The following STK32B variants were observed in gnomAD, a reference collection of about 807,000 sequenced individuals.
STK32B encodes serine/threonine-protein kinase 32B.
Under a neutral mutation model 52.6 loss-of-function variants are expected in STK32B, and 43 were observed. The observed-to-expected ratio is 0.82, with a 90% CI of 0.64 to 1.05. The LOEUF (loss-of-function observed/expected upper bound fraction) is 1.05. Ranked by LOEUF, STK32B falls within the 50% of genes least tolerant of loss-of-function variation. The probability of loss-of-function intolerance (pLI) is 0.00; values close to 1 mark genes in which losing one functional copy is unlikely to be tolerated. For missense variants in STK32B, 621 were observed against 534.6 expected, an observed-to-expected ratio of 1.16 and a Z score of -1.59; for synonymous variants, 238 against 204.3, an observed-to-expected ratio of 1.17 and a Z score of -1.41.
chr4:5,402,334 T>C (rs937621969), intron 5 of STK32B, among the ~76,000 whole-genome samples: 2 of 152,168 alleles, frequency 1.3e-5, no homozygotes, highest in East Asian at 3.9e-4. Flanking sequence ...GGCCGGTGGG[T>C]TAGTGCTTTC....
At chr4:5,461,179 C>A (rs1182263900) in intron 9 of STK32B, among the ~76,000 whole-genome samples, 1 of 152,194 alleles carries the variant, frequency 6.6e-6, no homozygotes, top group Non-Finnish European at 1.5e-5. Flanking sequence ...CATCTGTGAC[C>A]TAGGAGAGCA....
intron 1 of STK32B, among the ~76,000 whole-genome samples, chr4:5,114,529 G>A (rs1405560757): frequency 6.6e-6 from 1 of 152,044 alleles, no homozygotes; most frequent in East Asian, 1.9e-4. Context: ...CAAAGAATGA[G>A]CTCCCAGTAA....
intron 9 of STK32B, among the ~76,000 whole-genome samples, chr4:5,463,335 G>A (rs1677558545): frequency 6.6e-6 from 1 of 152,166 alleles, no homozygotes; most frequent in Non-Finnish European, 1.5e-5. Context: ...ATGCCCTGGG[G>A]GGCATCTGGG....
At chr4:5,223,038 T>C (rs1296222705) in intron 3 of STK32B, among the ~76,000 whole-genome samples, 2 of 152,130 alleles carry the variant, frequency 1.3e-5, no homozygotes, top group African/African-American at 4.8e-5. Flanking sequence ...GTCTTAGAGC[T>C]CAGGACCATC....
Position 5,378,963 on chromosome 4 carries a change from C to G in STK32B, c.435-19244C>G, listed in dbSNP as rs1735756413. Among the ~76,000 whole-genome samples the G allele has an allele frequency of 6.6e-6, 1 of 152,166 alleles. No homozygotes were observed. Among genetic ancestry groups the G allele is most frequent in the African/African-American group, 2.4e-5 (1 of 41,442 alleles). ...CCCAGGAGATGGCTGACAAAAAGCT[C>G]TGTGGAGAGAGGTCAGGCCCTGGCT... On this transcript the variant is annotated intron_variant, in intron 4 of 11. Coordinates refer to ENST00000282908, the MANE Select transcript of STK32B (RefSeq NM_018401.3). This position sits in a 1 kb window ranked among gnomAD's most constrained non-coding sequence, Gnocchi z 4.4.
In STK32B at chr4:5,446,718, C is replaced by T. The variant is rs939472463; in HGVS notation, c.608C>T (p.Ser203Leu). The change falls in exon 7 of 12, where the codon TCG (serine) becomes TTG (leucine). Residue 203 changes from serine (S) to leucine (L), a missense_variant. Transcript: ENST00000282908. ...QVYMDRGPGY[S>L]YPVDWWSLGI... ...TACATGGACAGAGGCCCCGGATACT[C>T]GTACCCTGTCGACTGGTGGTCCCTG... is the stretch of plus-strand genomic sequence containing the variant. The T allele has an allele frequency of 1.5e-5, 25 of 1,613,994 alleles. No homozygotes were observed. Among genetic ancestry groups the T allele is most frequent in the Non-Finnish European group, 1.7e-5 (20 of 1,180,012 alleles).
At chr4:5,249,493 TCCTTCCTTCCTCCCTC>T (rs1175966565) in intron 3 of STK32B, among the ~76,000 whole-genome samples, 9 of 121,982 alleles carry the variant, frequency 7.4e-5, no homozygotes, top group Non-Finnish European at 8.3e-5. Context: ...CTTCCTTCCT[TCCTTCCTTCCTCCCTC>T]CCTTCCTTTA....
the STK32B span, among the ~76,000 whole-genome samples, chr4:5,034,461 AAAT>A: frequency 2.0e-5 from 3 of 152,174 alleles, no homozygotes; most frequent in Non-Finnish European, 2.9e-5. Context: ...CCCTCCCTAC[AAAT>A]ATTTGATGAA....
chr4:5,229,389 C>T (rs796619614), intron 3 of STK32B, among the ~76,000 whole-genome samples: 2 of 152,180 alleles, frequency 1.3e-5, no homozygotes, highest in South Asian at 4.1e-4. Flanking sequence ...GCATTGGTAC[C>T]TCTTAAATCT....
chr4:5,413,949 C>A (rs929790602), intron 5 of STK32B, among the ~76,000 whole-genome samples: 1 of 152,130 alleles, frequency 6.6e-6, no homozygotes, highest in Non-Finnish European at 1.5e-5. Flanking sequence ...ACCCTTGGTC[C>A]CAGCAATCCC....
chr4:5,029,702 T>A, the STK32B span, among the ~76,000 whole-genome samples: 1 of 152,182 alleles, frequency 6.6e-6, no homozygotes, highest in Admixed American at 6.5e-5. Flanking sequence ...AGCAGGGAAC[T>A]CAGCAGACTC....
At chr4:5,249,939 A>G (rs1239407426) in intron 3 of STK32B, among the ~76,000 whole-genome samples, 2 of 152,120 alleles carry the variant, frequency 1.3e-5, no homozygotes, top group African/African-American at 4.8e-5. Flanking sequence ...GCTGGTTTCA[A>G]TTGTTCCCTT....
At chr4:5,184,932 G>A (rs919417273) in intron 3 of STK32B, among the ~76,000 whole-genome samples, 8 of 152,202 alleles carry the variant, frequency 5.3e-5, no homozygotes, top group Non-Finnish European at 1.2e-4. Context: ...GGAAAATGAG[G>A]CGTGCCTGTG....
At chr4:5,308,879 G>C (rs1730102604) in intron 3 of STK32B, among the ~76,000 whole-genome samples, 1 of 151,894 alleles carries the variant, frequency 6.6e-6, no homozygotes. Context: ...ATTAAACTTA[G>C]TACTAAATGT....
At chr4:5,184,695 A>AAAAAAATAAG (rs58321341) in intron 3 of STK32B, among the ~76,000 whole-genome samples, 2 of 137,560 alleles carry the variant, frequency 1.5e-5, no homozygotes. Flanking sequence ...AAAAAAAAAA[A>AAAAAAATAAG]AAGAAGAAGA....
At chr4:5,464,242 A>G (rs889809564) in intron 9 of STK32B, among the ~76,000 whole-genome samples, 3 of 152,216 alleles carry the variant, frequency 2.0e-5, no homozygotes, top group African/African-American at 7.2e-5. Context: ...CCACCTCCCA[A>G]ACTGGGAATT....
At chr4:5,300,257 A>G (rs943469567) in intron 3 of STK32B, among the ~76,000 whole-genome samples, 2 of 152,164 alleles carry the variant, frequency 1.3e-5, no homozygotes, top group Non-Finnish European at 2.9e-5. Context: ...ACCCTCAACT[A>G]ACTAGCCATT....
At chr4:5,170,125 T>C (rs1233577668) in intron 3 of STK32B, among the ~76,000 whole-genome samples, 1 of 152,156 alleles carries the variant, frequency 6.6e-6, no homozygotes, top group African/African-American at 2.4e-5. Flanking sequence ...ACTTGGGCTG[T>C]TTCTAATTAT....
intron 3 of STK32B, among the ~76,000 whole-genome samples, chr4:5,170,883 A>C (rs1380200196): frequency 2.6e-5 from 4 of 152,260 alleles, no homozygotes; most frequent in Non-Finnish European, 5.9e-5. Flanking sequence ...AGGAATCGCC[A>C]CATTGACCTC....
Sources: allele counts gnomAD v4.1 joint callset (sites outside exome capture counted in the v4.1 genomes callset), GRCh38; gene constraint gnomAD v4.1.1; non-coding constraint Gnocchi (gnomAD v3.1); transcripts MANE v1.5; gene names NCBI Gene and HGNC (gene_info 2026-07-23, HGNC 2026-07-21).